ASCC1: variants seen among roughly 807,000 people sequenced by gnomAD.
ASCC1 encodes ASC-1 complex subunit P50.
In ASCC1, 35 loss-of-function variants were observed where a neutral mutation model predicts 46.6. The ratio of observed to expected loss-of-function variants is 0.75; its 90% CI spans 0.57 to 0.99. The LOEUF is 0.99. Ranked by LOEUF, ASCC1 falls within the 50% of genes least tolerant of loss-of-function variation. The pLI, the probability that ASCC1 is intolerant of heterozygous loss-of-function variation, is 0.00. For synonymous variants in ASCC1, 143 were observed against 146.6 expected (o/e 0.98, Z 0.18); for missense variants, 376 against 428.7 (o/e 0.88, Z 1.09).
intron 9 of ASCC1, among the ~76,000 whole-genome samples, chr10:72,107,010 A>G (rs909683247): frequency 3.3e-5 from 5 of 152,214 alleles, no homozygotes. Context: ...AATGAGGAGC[A>G]AATGATGTGA....
intron 6 of ASCC1, among the ~76,000 whole-genome samples, 153 bp from the exon 7 acceptor site, chr10:72,153,141 T>C (rs536582128): frequency 2.0e-5 from 3 of 152,352 alleles, no homozygotes; most frequent in Middle Eastern, 3.4e-3. Context: ...CATTATCTAA[T>C]TGCCCTTCTA....
At chr10:72,194,285 T>C (rs1855015605) in intron 5 of ASCC1, among the ~76,000 whole-genome samples, 1 of 151,058 alleles carries the variant, frequency 6.6e-6, no homozygotes, top group African/African-American at 2.4e-5. Context: ...TACAGGAAAA[T>C]GCTTTATCTC....
chr10:72,106,039 G>T (rs1008911592), intron 9 of ASCC1, among the ~76,000 whole-genome samples: 4 of 152,012 alleles, frequency 2.6e-5, no homozygotes, highest in Non-Finnish European at 5.9e-5. Flanking sequence ...CTGCTCACTT[G>T]GCTTTCCCAA....
chr10:72,146,847 A>G lies in ASCC1; in HGVS notation c.746+6022T>C, dbSNP rs548520236. ...TTTGATTTAAAATACTACATATGAA[A>G]GCATACCAAAAAAAGTTAAGTGCTT... On this transcript the variant is annotated intron_variant, in intron 7 of 9. Coordinates refer to ENST00000672957, the MANE Select transcript of ASCC1 (RefSeq NM_001198800.3). Among the ~76,000 whole-genome samples the G allele has an allele frequency of 2.0e-5, 3 of 152,148 alleles. No homozygotes were observed. The South Asian group carries it at 6.2e-4, about 32-fold the overall frequency.
Position 72,210,793 on chromosome 10 carries a change from C to T in ASCC1, c.151G>A (p.Glu51Lys). ...ECADEPCDAY[E>K]VEQTPQGFRS... is the part of the protein sequence containing the mutation. Reference sequence around the variant, plus strand: ...AATCCTTGTGGGGTCTGCTCCACCTCGTAGGCATCACAGGGCTCATCAGCA... The same window carrying T: ...AATCCTTGTGGGGTCTGCTCCACCTTGTAGGCATCACAGGGCTCATCAGCA... Residue 51 changes from glutamate (E) to lysine (K), a missense_variant, in exon 3 of 10, where the codon GAG becomes AAG. Coordinates refer to ENST00000672957, the MANE Select transcript of ASCC1 (RefSeq NM_001198800.3). 1 of 1,614,050 alleles carries T rather than the reference C, an allele frequency of 6.2e-7. No individual in the cohort carries two copies. The highest frequency in any genetic ancestry group is 8.5e-7 in the Non-Finnish European group (1 of 1,179,998).
chr10:72,216,771 A>G (rs1415934381), upstream of ASCC1: 2 of 455,608 alleles, frequency 4.4e-6, no homozygotes, highest in East Asian at 1.4e-4. Flanking sequence ...CTGTGTCCAC[A>G]AAGCATCGTT....
At chr10:72,161,856 A>G (rs189686854) in intron 5 of ASCC1, among the ~76,000 whole-genome samples, 182 bp from the exon 6 acceptor site, 36 of 152,356 alleles carry the variant, frequency 2.4e-4, no homozygotes, top group African/African-American at 5.8e-4. Context: ...GAATACCCAC[A>G]TGCAAAAGAA....
intron 9 of ASCC1, among the ~76,000 whole-genome samples, chr10:72,111,524 G>T (rs1564587702): frequency 6.6e-6 from 1 of 152,102 alleles, no homozygotes; most frequent in Non-Finnish European, 1.5e-5. Context: ...ACAACTGAGA[G>T]AATAAACTCT....
chr10:72,189,252 A>T (rs1293440156), intron 5 of ASCC1, among the ~76,000 whole-genome samples: 1 of 151,358 alleles, frequency 6.6e-6, no homozygotes, highest in African/African-American at 2.4e-5. Context: ...TACAAAAAAA[A>T]AAAAAATTAG....
At chr10:72,129,867 A>G (rs1845363035) in intron 8 of ASCC1, among the ~76,000 whole-genome samples, 1 of 150,846 alleles carries the variant, frequency 6.6e-6, no homozygotes, top group African/African-American at 2.4e-5. Flanking sequence ...TGTATTCCCA[A>G]CTACTCAGGA....
Position 72,112,817 on chromosome 10 carries a change from T to C in ASCC1, c.957+15265A>G, listed in dbSNP as rs556803556. On this transcript the variant is annotated intron_variant, in intron 9 of 9. Coordinates refer to ENST00000672957, the MANE Select transcript of ASCC1 (RefSeq NM_001198800.3). Reference sequence around the variant, plus strand: ...TCACTTGAACCCAAGTGGTGGAGGCTGCAGTGAGCCGAGATCCTCCACTGC... The same window carrying C: ...TCACTTGAACCCAAGTGGTGGAGGCCGCAGTGAGCCGAGATCCTCCACTGC... Among the ~76,000 whole-genome samples, 4 of 139,116 alleles carry C rather than the reference T, an allele frequency of 2.9e-5. No homozygotes were observed. In the South Asian group the frequency reaches 9.0e-4, roughly 31 times the overall value. The allele number at this position is 139,116 out of a possible 152,430, so 91.3% of individuals were successfully genotyped here. A position where few individuals can be genotyped will look rare whatever the true frequency, so the allele number is the denominator to read the frequency against.
chr10:72,216,849 A>G (rs1341763601), upstream of ASCC1: 2 of 456,208 alleles, frequency 4.4e-6, no homozygotes, highest in Admixed American at 4.7e-5. Context: ...AGGATACTTC[A>G]TCATCAGTAT....
chr10:72,166,201 T>C (rs1485974662), intron 5 of ASCC1, among the ~76,000 whole-genome samples: 2 of 152,206 alleles, frequency 1.3e-5, no homozygotes, highest in African/African-American at 2.4e-5. Context: ...CAGAGGCAAG[T>C]CCTTATGCAT....
chr10:72,199,607 T>C (rs539898852), intron 4 of ASCC1, among the ~76,000 whole-genome samples: 117 of 152,218 alleles, frequency 7.7e-4, no homozygotes, highest in African/African-American at 2.7e-3. Context: ...GCTAATTTTT[T>C]GTATTTTTAG....
chr10:72,189,463 T>C (rs751685353), intron 5 of ASCC1, among the ~76,000 whole-genome samples: 1 of 151,840 alleles, frequency 6.6e-6, no homozygotes, highest in African/African-American at 2.4e-5. Context: ...CAAGTCCACA[T>C]AGACTGAAGA....
chr10:72,169,664 T>C (rs911627273), intron 5 of ASCC1, among the ~76,000 whole-genome samples: 5 of 152,212 alleles, frequency 3.3e-5, no homozygotes, highest in East Asian at 3.8e-4. Flanking sequence ...GCCTCTTACA[T>C]AGTTTTGACT....
At chr10:72,166,361 G>A (rs1003568603) in intron 5 of ASCC1, among the ~76,000 whole-genome samples, 2 of 152,106 alleles carry the variant, frequency 1.3e-5, no homozygotes, top group African/African-American at 4.8e-5. Flanking sequence ...TCAGCACTTT[G>A]GGAAGCCAAA....
chr10:72,211,095 T>G (rs973371609), intron 2 of ASCC1, among the ~76,000 whole-genome samples: 1 of 152,212 alleles, frequency 6.6e-6, no homozygotes. Flanking sequence ...CATACGGTAG[T>G]TCCCCCCATC....
intron 6 of ASCC1, among the ~76,000 whole-genome samples, chr10:72,157,069 AG>A (rs1468425542): frequency 3.9e-5 from 6 of 152,142 alleles, no homozygotes; most frequent in Non-Finnish European, 7.3e-5. Flanking sequence ...GGCCTCCCAA[AG>A]TGCTTGGGTT....
Sources: allele counts gnomAD v4.1 joint callset (sites outside exome capture counted in the v4.1 genomes callset), GRCh38; gene constraint gnomAD v4.1.1; transcripts MANE v1.5; gene names NCBI Gene and HGNC (gene_info 2026-07-23, HGNC 2026-07-21).